SCUBE2: variants seen among roughly 807,000 people sequenced by gnomAD.
The protein encoded by SCUBE2 is signal peptide, CUB domain and EGF like domain containing 2.
Under a neutral mutation model 125.9 loss-of-function variants are expected in SCUBE2, and 114 were observed. That is an observed-to-expected ratio of 0.91 (90% CI 0.78 to 1.06). The LOEUF is 1.06. Ranked by LOEUF, SCUBE2 falls within the 50% of genes least tolerant of loss-of-function variation. The pLI, the probability that SCUBE2 is intolerant of heterozygous loss-of-function variation, is 0.00. For missense variants in SCUBE2, 1,255 were observed against 1,301.8 expected (o/e 0.96, Z 0.55); for synonymous variants, 459 against 492.9 (o/e 0.93, Z 0.91).
At chr11:9,038,541 G>C (rs1749368588) in intron 16 of SCUBE2, among the ~76,000 whole-genome samples, 1 of 152,158 alleles carries the variant, frequency 6.6e-6, no homozygotes, top group South Asian at 2.1e-4. Context: ...CTTGAGCCCA[G>C]GAGGCGGAGG....
intron 16 of SCUBE2, among the ~76,000 whole-genome samples, chr11:9,043,877 T>G (rs148553714): frequency 6.6e-6 from 1 of 151,526 alleles, no homozygotes; most frequent in African/African-American, 2.4e-5. Context: ...TTAGCAAAGA[T>G]GTAGGATGCT....
rs1348343557 is a variant in SCUBE2, at chr11:9,027,489, G to A, written c.2576C>T (p.Pro859Leu). 1 of 1,614,122 alleles carries A rather than the reference G, an allele frequency of 6.2e-7. No individual in the cohort carries two copies. Among genetic ancestry groups the A allele is most frequent in the Non-Finnish European group, 8.5e-7 (1 of 1,180,006 alleles). Residue 859 changes from proline to leucine, a missense_variant, in exon 20 of 23, where the codon CCA (proline) becomes CTA (leucine). By Grantham distance (98) the Pro-to-Leu change is moderately conservative. Around this residue, in one of 3 missense-constraint regions of SCUBE2, gnomAD observed 515 missense variants for 515.7 expected, o/e 1.00. Coordinates refer to ENST00000649792, the MANE Select transcript of SCUBE2 (RefSeq NM_001367977.2). ...IESPNYPGNY[P>L]ANTECTWTIN... ...GGTCCACGTACACTCGGTGTTGGCT[G>A]GGTAATTGCCTGGGTAGTTTGGGGA...
Position 9,030,740 on chromosome 11 carries a change from A to G in SCUBE2, c.2341+18T>C. 2 of 1,602,832 alleles carry G rather than the reference A, an allele frequency of 1.2e-6. No homozygotes were observed. Among genetic ancestry groups the G allele is most frequent in the Non-Finnish European group, 1.7e-6 (2 of 1,173,684 alleles). On this transcript the variant is annotated intron_variant, in intron 18 of 22. Transcript: ENST00000649792. ...GGGAAATCCAGTCCTAGAAAAAGGCAAGCTGCCAAGTACTCACCTCTGGTT... is the reference window on the plus strand; with the variant it reads ...GGGAAATCCAGTCCTAGAAAAAGGCGAGCTGCCAAGTACTCACCTCTGGTT...
chr11:9,027,249 C>T, intron 20 of SCUBE2, 115 bp downstream of exon 20: 1 of 954,358 alleles, frequency 1.0e-6, no homozygotes, highest in South Asian at 1.6e-5. Flanking sequence ...ATGTTCACCT[C>T]TGCTCTAATA....
chr11:9,051,212 AT>A lies in SCUBE2; in HGVS notation c.1535-503del, dbSNP rs1267528276. 1.0e-4 allele frequency among the ~76,000 whole-genome samples: 15 copies of A among 144,718 alleles called. No homozygotes were observed. In the South Asian group the frequency reaches 1.4e-3, roughly 13 times the overall value. The allele number at this position is 144,718 out of a possible 152,430, so 94.9% of individuals were successfully genotyped here. ...TATCTATCTATCTATCTATCTATCT[AT>A]CTATCTATCTATCTACCTACCTACC... On this transcript the variant is annotated intron_variant, in intron 13 of 22. Transcript: ENST00000649792.
chr11:9,025,429 T>C (rs1398028694), intron 21 of SCUBE2: 1 of 329,306 alleles, frequency 3.0e-6, no homozygotes, highest in Non-Finnish European at 5.6e-6. Context: ...AGAGAAATCA[T>C]AGCCAGGCTA....
intron 9 of SCUBE2, among the ~76,000 whole-genome samples, chr11:9,058,134 T>C (rs72632953): frequency 0.18 from 26,985 of 152,092 alleles, 2,710 homozygotes; most frequent in South Asian, 0.4. Flanking sequence ...CCTCTCTGCC[T>C]TCCCTCTCTT....
At chr11:9,090,987 C>T (rs1371978843) in intron 1 of SCUBE2, among the ~76,000 whole-genome samples, 1 of 152,168 alleles carries the variant, frequency 6.6e-6, no homozygotes, top group Non-Finnish European at 1.5e-5. Flanking sequence ...AACTTGCCGG[C>T]CCCCAAAGAA....
chr11:9,072,599 A>G (rs990265993), intron 4 of SCUBE2, among the ~76,000 whole-genome samples: 1 of 152,186 alleles, frequency 6.6e-6, no homozygotes, highest in African/African-American at 2.4e-5. Flanking sequence ...AGGCTGTTCT[A>G]TTTGAAGAAT....
Position 9,069,362 on chromosome 11 carries a change from A to C in SCUBE2, c.643+8T>G. 1 of 1,614,164 alleles carries C rather than the reference A, an allele frequency of 6.2e-7. No individual in the cohort carries two copies. Among genetic ancestry groups the C allele is most frequent in the Non-Finnish European group, 8.5e-7 (1 of 1,180,010 alleles). ...TCCCATGGCAGGTGTGCACTGGCCC[A>C]TACTTACAGATGCAGTCTCTCTGGT... On this transcript the variant is annotated splice_region_variant and intron_variant, in intron 5 of 22. Transcript: ENST00000649792.
chr11:9,076,409 C>T (rs1861217534), intron 3 of SCUBE2, among the ~76,000 whole-genome samples: 1 of 152,012 alleles, frequency 6.6e-6, no homozygotes, highest in Admixed American at 6.6e-5. Flanking sequence ...GCCTCAAAAT[C>T]CTTTACTCAT....
intron 16 of SCUBE2, among the ~76,000 whole-genome samples, chr11:9,044,623 T>A (rs1857524525): frequency 6.6e-6 from 1 of 152,172 alleles, no homozygotes; most frequent in South Asian, 2.1e-4. Flanking sequence ...ACATGTCAGT[T>A]ACTCCTATGC....
At chr11:9,054,725 ATTTTTTT>A (rs1174774188) in intron 10 of SCUBE2, among the ~76,000 whole-genome samples, 58 of 22,324 alleles carry the variant, frequency 2.6e-3, no homozygotes, top group African/African-American at 6.6e-3. Context: ...ATATATATAT[ATTTTTTT>A]TTTTTTTTTT....
chr11:9,071,473 ACC>A (rs998021026), intron 4 of SCUBE2, among the ~76,000 whole-genome samples: 2 of 152,184 alleles, frequency 1.3e-5, no homozygotes. Context: ...TCAAGAAGTG[ACC>A]TCAAAGCCTT....
chr11:9,039,021 A>G (rs949740344), intron 16 of SCUBE2, among the ~76,000 whole-genome samples: 2 of 152,016 alleles, frequency 1.3e-5, no homozygotes, highest in Non-Finnish European at 2.9e-5. Flanking sequence ...GAGTAGCTGG[A>G]ACTACAGGCT....
Position 9,027,545 on chromosome 11 carries a change from C to T in SCUBE2, c.2520G>A (p.Gly840=), listed in dbSNP as rs1400478281. The T allele has an allele frequency of 6.2e-7, 1 of 1,613,392 alleles. No homozygotes were observed. Among genetic ancestry groups the T allele is most frequent in the Non-Finnish European group, 8.5e-7 (1 of 1,179,598 alleles). ...ITQCKNRRCG[G]ELGDFTGYIE... is the part of the protein sequence containing the mutation. ...TGTACCCAGTGAAATCTCCCAGCTCCCCTCCACATCTTCTGTCTGAAAAAG... is the reference window on the plus strand; with the variant it reads ...TGTACCCAGTGAAATCTCCCAGCTCTCCTCCACATCTTCTGTCTGAAAAAG... The change falls in exon 20 of 23, where the codon GGG becomes GGA. Residue 840 remains glycine (G), a synonymous_variant. Transcript: ENST00000649792.
intron 9 of SCUBE2, among the ~76,000 whole-genome samples, chr11:9,058,928 C>A (rs1428932621): frequency 6.6e-6 from 1 of 152,206 alleles, no homozygotes; most frequent in Non-Finnish European, 1.5e-5. Flanking sequence ...TTGCCACCAA[C>A]TTTTGTGATA....
Position 9,027,491 on chromosome 11 carries a change from G to T in SCUBE2, c.2574C>A (p.Tyr858Ter), listed in dbSNP as rs1478416121. The change falls in exon 20 of 23, where the codon TAC (tyrosine) becomes TAA (stop). Residue 858 changes from tyrosine (Y) to a stop codon, truncating the protein, a stop_gained. Transcript: ENST00000649792. LOFTEE classifies it high-confidence loss of function. ...YIESPNYPGN[Y>*]PANTECTWTI... ...TCCACGTACACTCGGTGTTGGCTGG[G>T]TAATTGCCTGGGTAGTTTGGGGATT... 5.0e-6 allele frequency: 8 copies of T among 1,613,996 alleles called. No homozygotes were observed. Among genetic ancestry groups the T allele is most frequent in the Non-Finnish European group, 6.8e-6 (8 of 1,180,034 alleles).
At chr11:9,029,274 G>A (rs1856061458) in intron 19 of SCUBE2, among the ~76,000 whole-genome samples, 1 of 152,222 alleles carries the variant, frequency 6.6e-6, no homozygotes, top group Non-Finnish European at 1.5e-5. Flanking sequence ...CTCCTGGTCT[G>A]CCTGAGACTC....
Sources: gnomAD v4.1 joint callset for allele counts (sites outside exome capture counted in the v4.1 genomes callset) on GRCh38, gnomAD v4.1.1 for gene constraint, gnomAD v4.1.1 regional missense constraint, MANE v1.5 for transcripts, NCBI Gene and HGNC (gene_info 2026-07-23, HGNC 2026-07-21) for gene names.